The following NRG3 variants were observed in gnomAD, a reference collection of about 807,000 sequenced individuals.
The protein encoded by NRG3 is pro-neuregulin-3, membrane-bound isoform.
Under a neutral mutation model 66.9 loss-of-function variants are expected in NRG3, and 31 were observed. That is an observed-to-expected ratio of 0.46 (90% CI 0.35 to 0.63). The LOEUF is 0.63. NRG3 is among the 20% of genes least tolerant of loss of function. The pLI is 0.00. For missense variants in NRG3, 910 were observed against 878.9 expected, an observed-to-expected ratio of 1.04 and a Z score of -0.45; for synonymous variants, 393 against 359.4, an observed-to-expected ratio of 1.09 and a Z score of -1.06.
intron 1 of NRG3, among the ~76,000 whole-genome samples, chr10:82,226,106 A>G (rs2076151749): frequency 6.6e-6 from 1 of 152,186 alleles, no homozygotes; most frequent in Non-Finnish European, 1.5e-5. Context: ...AAAAAATTGA[A>G]AAAAGGCAAA....
intron 2 of NRG3, among the ~76,000 whole-genome samples, chr10:82,385,301 G>T (rs900069774): frequency 1.3e-5 from 2 of 152,032 alleles, no homozygotes; most frequent in African/African-American, 4.8e-5. Context: ...CTTTTGCTGT[G>T]CAGAAGCTCT....
At chr10:82,656,308 CTTTTTTT>C (rs3040205) in intron 2 of NRG3, among the ~76,000 whole-genome samples, 19 of 132,038 alleles carry the variant, frequency 1.4e-4, no homozygotes, top group Admixed American at 1.2e-3. Context: ...TTTCTTTTTT[CTTTTTTT>C]TTTTTTTTTG....
intron 2 of NRG3, among the ~76,000 whole-genome samples, chr10:82,413,363 T>C (rs1432080536): frequency 2.0e-5 from 3 of 152,156 alleles, no homozygotes; most frequent in African/African-American, 7.2e-5. Flanking sequence ...GAATCTTTCT[T>C]TGTGTGAGCA....
At chr10:82,450,439 C>T (rs2136566426) in intron 2 of NRG3, among the ~76,000 whole-genome samples, 1 of 152,298 alleles carries the variant, frequency 6.6e-6, no homozygotes, top group Middle Eastern at 3.4e-3. Flanking sequence ...GCTGGTCACT[C>T]AGCTTCTCCT....
At chr10:82,631,606 A>G (rs1313473907) in intron 2 of NRG3, among the ~76,000 whole-genome samples, 1 of 125,782 alleles carries the variant, frequency 8.0e-6, no homozygotes. Context: ...TTTTTTTTTC[A>G]GTCTTTGTAA....
rs142150039 is a variant in NRG3, at chr10:82,671,868, A to G, written c.954-66709A>G. 1.6e-4 allele frequency among the ~76,000 whole-genome samples: 25 copies of G among 152,328 alleles called. No homozygotes were observed. In the East Asian group the frequency reaches 3.3e-3, roughly 20 times the overall value. On this transcript the variant is annotated intron_variant, in intron 2 of 8. Coordinates refer to ENST00000372141, the MANE Select transcript of NRG3 (RefSeq NM_001010848.4). Reference sequence around the variant, plus strand: ...ATAATGTGAAGCTATGCTAACATCTATTTATCACAGGCAAAGTTTTGATTA... The same window carrying G: ...ATAATGTGAAGCTATGCTAACATCTGTTTATCACAGGCAAAGTTTTGATTA...
intron 1 of NRG3, among the ~76,000 whole-genome samples, chr10:81,990,599 A>G (rs2060701720): frequency 6.6e-6 from 1 of 152,186 alleles, no homozygotes; most frequent in Admixed American, 6.5e-5. Context: ...TATTAACAGC[A>G]GCAAGTATCT....
chr10:82,671,601 C>T (rs2053280836), intron 2 of NRG3, among the ~76,000 whole-genome samples: 1 of 152,170 alleles, frequency 6.6e-6, no homozygotes, highest in South Asian at 2.1e-4. Context: ...CCAATCTTGA[C>T]CCTGTCATTG....
intron 2 of NRG3, among the ~76,000 whole-genome samples, chr10:82,398,509 G>T (rs2086865578): frequency 6.9e-6 from 1 of 144,222 alleles, no homozygotes; most frequent in South Asian, 2.1e-4. Context: ...GTGTGTGTGT[G>T]TGTGTGTGTG....
rs565589283 is a variant in NRG3, at chr10:82,775,363, A to T, written c.1027+36713A>T. The stretch of plus-strand genomic sequence containing the variant: ...AAATTCTCTTTTGATTTGTTCTTTG[A>T]CCAATTGGTTGTTCATGAGCATGTT... On this transcript the variant is annotated intron_variant, in intron 3 of 8. Transcript: ENST00000372141. 3.3e-5 allele frequency among the ~76,000 whole-genome samples: 5 copies of T among 151,418 alleles called. No homozygotes were observed. The East Asian group carries it at 5.8e-4, about 18-fold the overall frequency.
intron 2 of NRG3, among the ~76,000 whole-genome samples, chr10:82,454,285 A>G (rs2091169912): frequency 6.6e-6 from 1 of 152,178 alleles, no homozygotes; most frequent in Non-Finnish European, 1.5e-5. Flanking sequence ...CTTTATCTGT[A>G]TTAACAATTT....
At chr10:82,629,735 C>T (rs891685538) in intron 2 of NRG3, among the ~76,000 whole-genome samples, 2 of 152,072 alleles carry the variant, frequency 1.3e-5, no homozygotes, top group African/African-American at 2.4e-5. Flanking sequence ...TTTTGAAGTT[C>T]CTTTCTACCA....
At chr10:82,584,009 T>A (rs1263870002) in intron 2 of NRG3, among the ~76,000 whole-genome samples, 1 of 152,172 alleles carries the variant, frequency 6.6e-6, no homozygotes, top group Non-Finnish European at 1.5e-5. Context: ...AAGGCTATAA[T>A]GGGAATTGAA....
At chr10:82,217,258 A>G (rs1014162907) in intron 1 of NRG3, among the ~76,000 whole-genome samples, 1 of 152,190 alleles carries the variant, frequency 6.6e-6, no homozygotes, top group African/African-American at 2.4e-5. Context: ...GCCTCTGGCA[A>G]GCTGTAAGCT....
At chr10:81,927,332 G>T (rs996527351) in intron 1 of NRG3, among the ~76,000 whole-genome samples, 1 of 152,152 alleles carries the variant, frequency 6.6e-6, no homozygotes, top group African/African-American at 2.4e-5. Context: ...AAGGAGAATG[G>T]TCGTAGTCTA....
chr10:82,529,088 C>T (rs533425244), intron 2 of NRG3, among the ~76,000 whole-genome samples: 1 of 152,306 alleles, frequency 6.6e-6, no homozygotes, highest in Admixed American at 6.5e-5. Context: ...TTTTAACATG[C>T]GCTTAGAAGT....
At chr10:82,492,650 T>C (rs1233938375) in intron 2 of NRG3, among the ~76,000 whole-genome samples, 1 of 152,146 alleles carries the variant, frequency 6.6e-6, no homozygotes, top group African/African-American at 2.4e-5. Context: ...AAACTGAAGC[T>C]CAGAAAGGAA....
intron 1 of NRG3, among the ~76,000 whole-genome samples, chr10:82,170,986 A>C (rs1368483938): frequency 6.6e-6 from 1 of 151,730 alleles, no homozygotes; most frequent in Admixed American, 6.6e-5. Flanking sequence ...GTCTGAGATC[A>C]TTTGTCTTCA....
At chr10:82,186,336 T>C (rs140393146) in intron 1 of NRG3, among the ~76,000 whole-genome samples, 122 of 152,298 alleles carry the variant, frequency 8.0e-4, no homozygotes, top group African/African-American at 2.8e-3. Context: ...AGTGAACTTT[T>C]CCTTTGCTCA....
Sources: gnomAD v4.1 joint callset for allele counts (sites outside exome capture counted in the v4.1 genomes callset) on GRCh38, gnomAD v4.1.1 for gene constraint, MANE v1.5 for transcripts, NCBI Gene and HGNC (gene_info 2026-07-23, HGNC 2026-07-21) for gene names.